CAMK1D: variants seen among roughly 807,000 people sequenced by gnomAD.
CAMK1D encodes the protein calcium/calmodulin dependent protein kinase ID.
A neutral mutation model predicts 47.7 loss-of-function variants in CAMK1D; 9 were observed. The ratio of observed to expected loss-of-function variants is 0.19; its 90% CI spans 0.11 to 0.33. CAMK1D has a LOEUF of 0.33. Ranked by LOEUF, CAMK1D falls within the 10% of genes least tolerant of loss-of-function variation. The pLI is 1.00. For synonymous variants in CAMK1D, 184 were observed against 184.9 expected (o/e 0.99, Z 0.04); for missense variants, 291 against 488.7 (o/e 0.60, Z 3.81).
At chr10:12,556,721 C>T (rs2768346) in intron 2 of CAMK1D, among the ~76,000 whole-genome samples, 60,546 of 151,968 alleles carry the variant, frequency 0.4, 12,186 homozygotes, top group Middle Eastern at 0.54. Context: ...CTTTGAACTT[C>T]ATCCTCTAGA....
chr10:12,371,964 G>A (rs1390405990), intron 1 of CAMK1D, among the ~76,000 whole-genome samples: 1 of 152,046 alleles, frequency 6.6e-6, no homozygotes, highest in Non-Finnish European at 1.5e-5. Context: ...GTGGTGCCCC[G>A]GCTTAAAAAA....
chr10:12,779,801 C>G (rs1022110458), intron 5 of CAMK1D, among the ~76,000 whole-genome samples: 4 of 91,684 alleles, frequency 4.4e-5, no homozygotes, highest in African/African-American at 1.5e-4. Flanking sequence ...GAGTGCACAA[C>G]CACAGCCACA....
intron 1 of CAMK1D, among the ~76,000 whole-genome samples, chr10:12,504,066 A>C (rs2132147212): frequency 6.6e-6 from 1 of 152,172 alleles, no homozygotes; most frequent in South Asian, 2.1e-4. Context: ...TGCTTGTATT[A>C]GTCAAGCTGC....
intron 1 of CAMK1D, among the ~76,000 whole-genome samples, chr10:12,472,635 C>T (rs2058836612): frequency 6.6e-6 from 1 of 152,178 alleles, no homozygotes; most frequent in Admixed American, 6.5e-5. Context: ...GATTCTCCTT[C>T]CTCAGCCTCC....
At chr10:12,625,805 A>C (rs1374102079) in intron 2 of CAMK1D, among the ~76,000 whole-genome samples, 3 of 152,102 alleles carry the variant, frequency 2.0e-5, no homozygotes, top group African/African-American at 7.2e-5. Context: ...ATTCGTGAAG[A>C]TTACATTTGA....
chr10:12,752,265 G>A (rs1385534605), intron 3 of CAMK1D, among the ~76,000 whole-genome samples: 1 of 152,130 alleles, frequency 6.6e-6, no homozygotes, highest in Admixed American at 6.5e-5. Flanking sequence ...CAGAGTGCTG[G>A]GATTACAGGG....
chr10:12,353,087 C>T (rs368455299), intron 1 of CAMK1D, among the ~76,000 whole-genome samples: 4 of 152,126 alleles, frequency 2.6e-5, no homozygotes, highest in East Asian at 3.9e-4. Flanking sequence ...GCCTGCTCCA[C>T]CCTGGGCCAT....
chr10:12,624,318 C>T (rs1839137897), intron 2 of CAMK1D, among the ~76,000 whole-genome samples: 1 of 152,082 alleles, frequency 6.6e-6, no homozygotes. Context: ...TTGTTGACTA[C>T]AGTACAATGT....
intron 8 of CAMK1D, among the ~76,000 whole-genome samples, chr10:12,823,568 G>A (rs750490742): frequency 6.6e-6 from 1 of 151,926 alleles, no homozygotes; most frequent in Non-Finnish European, 1.5e-5. Flanking sequence ...GAGAGGAGGA[G>A]GCTGTAAGAC....
chr10:12,715,226 T>A (rs1474229639), intron 3 of CAMK1D, among the ~76,000 whole-genome samples: 1 of 152,178 alleles, frequency 6.6e-6, no homozygotes. Context: ...TGCCTATAGC[T>A]TTTTGCTTTT....
intron 2 of CAMK1D, among the ~76,000 whole-genome samples, chr10:12,568,049 C>T (rs900901055): frequency 1.6e-5 from 2 of 123,324 alleles, no homozygotes; most frequent in Admixed American, 8.4e-5. Flanking sequence ...TTGATTTGTT[C>T]TGGGACCCAC....
chr10:12,828,164 A>C (rs778940516), intron 10 of CAMK1D, among the ~76,000 whole-genome samples: 10 of 152,260 alleles, frequency 6.6e-5, no homozygotes, highest in African/African-American at 2.4e-4. Context: ...TGCCTGCTAC[A>C]TATTAAGTGC....
At chr10:12,597,070 A>G (rs964816862) in intron 2 of CAMK1D, among the ~76,000 whole-genome samples, 8 of 152,038 alleles carry the variant, frequency 5.3e-5, no homozygotes, top group African/African-American at 1.7e-4. Context: ...ATCAGTGGGG[A>G]TGGAAAATAA....
In CAMK1D at chr10:12,794,471, G is replaced by A. The variant is rs186255429; in HGVS notation, c.641+3238G>A. Among the ~76,000 whole-genome samples, 288 of 152,244 alleles carry A rather than the reference G, an allele frequency of 1.9e-3. 3 individuals carry two copies. The Middle Eastern group carries it at 0.034, about 18-fold the overall frequency. ...AGGTCCAGGATAGAGATCCTGGCAC[G>A]TACTTCTGAGTATGATTTGACAAGT... On this transcript the variant is annotated intron_variant, in intron 6 of 10. Transcript: ENST00000619168.
At chr10:12,410,829 T>C (rs1223663975) in intron 1 of CAMK1D, among the ~76,000 whole-genome samples, 4 of 152,214 alleles carry the variant, frequency 2.6e-5, no homozygotes, top group Non-Finnish European at 5.9e-5. Context: ...TTGAAAGATA[T>C]TCTTCACTCT....
At position 12,769,804 on chromosome 10, in the gene CAMK1D, G is replaced by T. The variant is rs1277840127; in HGVS notation, c.565+5G>T. ...GTGGAACTCCAGGCTATGTCGGTAA[G>T]GACAGTGCATGTGCACACATGTGCC... On this transcript the variant is annotated splice_donor_5th_base_variant and intron_variant, in intron 5 of 10. Coordinates refer to ENST00000619168, the MANE Select transcript of CAMK1D (RefSeq NM_153498.4). 1.2e-6 allele frequency: 2 copies of T among 1,614,060 alleles called. No individual in the cohort carries two copies. The highest frequency in any genetic ancestry group is 2.2e-5 in the East Asian group (1 of 44,892).
rs1310434823 is a variant in CAMK1D, at chr10:12,519,128, A to C, written c.93-34097A>C. Among the ~76,000 whole-genome samples the C allele has an allele frequency of 9.5e-4, 78 of 82,128 alleles. 4 individuals are homozygous for C. Among genetic ancestry groups the C allele is most frequent in the African/African-American group, 2.6e-3 (54 of 20,466 alleles). The allele number at this position is 82,128 out of a possible 152,430, so 53.9% of individuals were successfully genotyped here. The stretch of plus-strand genomic sequence containing the variant: ...GGCCGGGCGGGGGGCTGACCCCCCC[A>C]CCACCCTCCCGGACAGGGCGGCTGG... On this transcript the variant is annotated intron_variant, in intron 1 of 10. Transcript: ENST00000619168.
At chr10:12,555,380 G>T (rs1262389181) in intron 2 of CAMK1D, among the ~76,000 whole-genome samples, 1 of 152,210 alleles carries the variant, frequency 6.6e-6, no homozygotes, top group African/African-American at 2.4e-5. Flanking sequence ...GAACAAACAG[G>T]TCTCTTTAAC....
chr10:12,617,534 C>T (rs1024627908), intron 2 of CAMK1D, among the ~76,000 whole-genome samples: 1 of 152,104 alleles, frequency 6.6e-6, no homozygotes, highest in Non-Finnish European at 1.5e-5. Flanking sequence ...CACCCCAGGG[C>T]GAGGCAGTTT....
Sources: gnomAD v4.1 joint callset for allele counts (sites outside exome capture counted in the v4.1 genomes callset) on GRCh38, gnomAD v4.1.1 for gene constraint, MANE v1.5 for transcripts, NCBI Gene and HGNC (gene_info 2026-07-23, HGNC 2026-07-21) for gene names.